Variants in ESR1 observed in about 807,000 individuals in gnomAD.
The protein encoded by ESR1 is estrogen receptor.
ESR1 carries 12 observed loss-of-function variants against 52.7 expected under a neutral mutation model. The ratio of observed to expected loss-of-function variants is 0.23; its 90% CI spans 0.15 to 0.37. The LOEUF (loss-of-function observed/expected upper bound fraction) is 0.37. ESR1 is among the 10% of genes least tolerant of loss of function. ESR1 has a pLI of 1.00. For missense variants in ESR1, 584 were observed against 779.7 expected (o/e 0.75, Z 2.99); for synonymous variants, 305 against 316.8 (o/e 0.96, Z 0.39).
chr6:152,029,769 C>T (rs1353449406), intron 5 of ESR1, among the ~76,000 whole-genome samples: 1 of 152,154 alleles, frequency 6.6e-6, no homozygotes, highest in East Asian at 1.9e-4. Flanking sequence ...GGCCAACATT[C>T]ACATTCAGGA....
chr6:151,957,496 T>C (rs1169730903), intron 4 of ESR1, among the ~76,000 whole-genome samples: 1 of 151,260 alleles, frequency 6.6e-6, no homozygotes, highest in Non-Finnish European at 1.5e-5. Context: ...AACAATCTTA[T>C]TACCACTAAC....
intron 6 of ESR1, among the ~76,000 whole-genome samples, chr6:152,072,625 C>T (rs532436480): frequency 3.3e-5 from 5 of 152,128 alleles, no homozygotes; most frequent in African/African-American, 7.2e-5. Flanking sequence ...CACTAAGGCC[C>T]GAAGGACCAA....
intron 5 of ESR1, among the ~76,000 whole-genome samples, chr6:152,029,538 T>C (rs899576564): frequency 6.6e-6 from 1 of 152,132 alleles, no homozygotes; most frequent in Non-Finnish European, 1.5e-5. Flanking sequence ...AGAAAGGTTA[T>C]CAGTGATGGA....
intron 4 of ESR1, among the ~76,000 whole-genome samples, chr6:151,948,931 A>T (rs191692992): frequency 2.0e-5 from 3 of 152,332 alleles, no homozygotes; most frequent in Admixed American, 2.0e-4. Context: ...GAGCTCAGGA[A>T]GTGCTTGAAT....
chr6:151,910,255 T>A lies in ESR1; in HGVS notation c.760+29484T>A, dbSNP rs1441959505. Among the ~76,000 whole-genome samples the A allele has an allele frequency of 6.6e-5, 10 of 152,164 alleles. No individual in the cohort carries two copies. The East Asian group carries it at 1.7e-3, about 26-fold the overall frequency. ...TTTTTAATTCAATTTAAATTAAATTTAATTTAAATTTAAGTAGCAACATGT... is the reference window on the plus strand; with the variant it reads ...TTTTTAATTCAATTTAAATTAAATTAAATTTAAATTTAAGTAGCAACATGT... On this transcript the variant is annotated intron_variant, in intron 3 of 7. Transcript: ENST00000206249.
upstream of ESR1, among the ~76,000 whole-genome samples, chr6:151,686,711 A>C (rs113530332): frequency 9.0e-4 from 115 of 127,352 alleles, no homozygotes; most frequent in East Asian, 2.9e-3. Flanking sequence ...CAACCAACCA[A>C]CCAACCAACC....
In ESR1 at chr6:151,721,631, C is replaced by T. The variant is rs145277843; in HGVS notation, c.-71+19626C>T. Among the ~76,000 whole-genome samples the T allele has an allele frequency of 1.9e-4, 29 of 152,316 alleles. No homozygotes were observed. The East Asian group carries it at 5.4e-3, about 28-fold the overall frequency. ...AAGGAAGATGCTAACGATTTTCATT[C>T]ATTTGTTTATCATCTATGTTGAGTG... On this transcript the variant is annotated intron_variant, in intron 2 of 2. Transcript: ENST00000404742.
At chr6:151,700,011 A>G (rs971503945) in intron 1 of ESR1, among the ~76,000 whole-genome samples, 1 of 152,116 alleles carries the variant, frequency 6.6e-6, no homozygotes, top group African/African-American at 2.4e-5. Context: ...CCACAGTCCA[A>G]ATTTACTGAA....
At chr6:151,965,847 G>A (rs1445578954) in intron 4 of ESR1, among the ~76,000 whole-genome samples, 1 of 50,960 alleles carries the variant, frequency 2.0e-5, no homozygotes, top group Non-Finnish European at 4.7e-5. Context: ...CTACTGTTCT[G>A]TGGTTATAAA....
At chr6:152,093,786 T>G (rs1282053992) in intron 6 of ESR1, among the ~76,000 whole-genome samples, 1 of 152,148 alleles carries the variant, frequency 6.6e-6, no homozygotes, top group Non-Finnish European at 1.5e-5. Context: ...AAAACAGAAA[T>G]CCTACCTGGA....
At chr6:151,937,913 A>G (rs1264320513) in intron 3 of ESR1, among the ~76,000 whole-genome samples, 1 of 152,218 alleles carries the variant, frequency 6.6e-6, no homozygotes, top group East Asian at 1.9e-4. Flanking sequence ...GGACAATGAC[A>G]GTACTTAACC....
intron 2 of ESR1, among the ~76,000 whole-genome samples, chr6:151,754,345 A>C (rs1214850338): frequency 6.8e-6 from 1 of 146,622 alleles, no homozygotes; most frequent in Non-Finnish European, 1.5e-5. Context: ...TTTTTTGCAT[A>C]AGGGATGGAT....
intron 5 of ESR1, among the ~76,000 whole-genome samples, chr6:152,055,573 G>C (rs997865741): frequency 2.0e-5 from 3 of 152,170 alleles, no homozygotes; most frequent in African/African-American, 7.2e-5. Context: ...GCCAAAAACT[G>C]TTGGTTCTTC....
intron 3 of ESR1, among the ~76,000 whole-genome samples, chr6:151,909,324 A>T (rs1394698099): frequency 6.6e-6 from 1 of 152,186 alleles, no homozygotes; most frequent in Non-Finnish European, 1.5e-5. Context: ...TGACTTGGGG[A>T]GTCTCCACCT....
chr6:151,918,743 C>A (rs1160371095), intron 3 of ESR1, among the ~76,000 whole-genome samples: 5 of 152,234 alleles, frequency 3.3e-5, no homozygotes, highest in South Asian at 2.1e-4. Context: ...ATGTGTATAA[C>A]CTCCTTCTCA....
chr6:151,863,720 C>A (rs1034254826), intron 2 of ESR1, among the ~76,000 whole-genome samples: 1 of 152,064 alleles, frequency 6.6e-6, no homozygotes, highest in African/African-American at 2.4e-5. Flanking sequence ...GAGATATAGA[C>A]CAATGGAACA....
intron 3 of ESR1, among the ~76,000 whole-genome samples, chr6:151,919,845 AG>A (rs1342510957): frequency 6.6e-6 from 1 of 152,208 alleles, no homozygotes; most frequent in African/African-American, 2.4e-5. Context: ...GAAGAAAAGA[AG>A]ACACATGAAG....
rs184594672 is a variant in ESR1 at position 151,924,288 on chromosome 6, G to A, written c.761-19885G>A. ...GAACTCCTGACCTTGTGATCCACCC[G>A]CCCTGGCCTCCCAAAGTGCTGGGAT... On this transcript the variant is annotated intron_variant, in intron 3 of 7. Transcript: ENST00000206249. Among the ~76,000 whole-genome samples the A allele has an allele frequency of 1.2e-3, 185 of 152,200 alleles. 1 individual carries two copies. Among genetic ancestry groups the A allele is most frequent in the Non-Finnish European group, 2.3e-3 (154 of 68,004 alleles).
intron 1 of ESR1, among the ~76,000 whole-genome samples, chr6:151,836,075 A>C (rs1047188021): frequency 6.6e-6 from 1 of 152,178 alleles, no homozygotes; most frequent in Non-Finnish European, 1.5e-5. Flanking sequence ...TAGTAATTCA[A>C]ATGTGGAGTA....
Sources: allele counts gnomAD v4.1 joint callset (sites outside exome capture counted in the v4.1 genomes callset), GRCh38; gene constraint gnomAD v4.1.1; transcripts MANE v1.5; gene names NCBI Gene and HGNC (gene_info 2026-07-23, HGNC 2026-07-21).